The following DHRS2 variants were observed in gnomAD, a reference collection of about 807,000 sequenced individuals.
DHRS2 encodes dehydrogenase/reductase 2, also known as dehydrogenase/reductase SDR family member 2, mitochondrial.
In DHRS2, 29 loss-of-function variants were observed where a neutral mutation model predicts 26.3. The observed-to-expected ratio is 1.10, with a 90% CI of 0.82 to 1.50. The LOEUF (loss-of-function observed/expected upper bound fraction) is 1.50. DHRS2 is among the 40% of genes most tolerant of loss of function. DHRS2 has a pLI of 0.00. For synonymous variants in DHRS2, 164 were observed against 151.3 expected, an observed-to-expected ratio of 1.08 and a Z score of -0.62; for missense variants, 439 against 367.1, an observed-to-expected ratio of 1.20 and a Z score of -1.60.
intron 4 of DHRS2, chr14:23,642,862 C>A: frequency 3.4e-6 from 1 of 295,424 alleles, no homozygotes; most frequent in Non-Finnish European, 6.4e-6. Context: ...CCCACTGCCC[C>A]CAGTCCCCAT....
chr14:23,634,202 G>A (rs1205678902), upstream of DHRS2, among the ~76,000 whole-genome samples: 2 of 151,414 alleles, frequency 1.3e-5, no homozygotes, highest in Admixed American at 1.3e-4. Flanking sequence ...CAAGTAGCTG[G>A]GACTATAGGC....
At chr14:23,635,938 G>A (rs907687958), upstream of DHRS2, among the ~76,000 whole-genome samples, 6 of 152,246 alleles carry the variant, frequency 3.9e-5, no homozygotes, top group South Asian at 2.1e-4. Flanking sequence ...GCTAGGTGCC[G>A]CAAAGTCCTG....
chr14:23,643,911 T>C, intron 5 of DHRS2, 200 bp from the exon 6 acceptor site: 1 of 603,352 alleles, frequency 1.7e-6, no homozygotes, highest in Admixed American at 2.9e-5. Context: ...TTATGAGAAA[T>C]AGGCATGGAA....
At chr14:23,638,636 T>G in intron 1 of DHRS2, 191 bp from the exon 2 acceptor site, 2 of 513,020 alleles carry the variant, frequency 3.9e-6, no homozygotes. Context: ...ATTTCCCCAG[T>G]TTTATAGCTT....
chr14:23,644,659 C>G (rs1200554012), intron 7 of DHRS2, 116 bp downstream of exon 7: 1 of 1,528,188 alleles, frequency 6.5e-7, no homozygotes, highest in Non-Finnish European at 9.0e-7. Flanking sequence ...GACTGAGGTC[C>G]TCATTGTTCT....
intron 2 of DHRS2, 82 bp from the exon 3 acceptor site, chr14:23,639,097 T>A (rs1046487246): frequency 3.8e-6 from 6 of 1,592,510 alleles, no homozygotes; most frequent in Non-Finnish European, 5.1e-6. Context: ...CCCAGCCTTA[T>A]TTGCTGATTT....
chr14:23,638,557 G>C, intron 1 of DHRS2: 1 of 316,094 alleles, frequency 3.2e-6, no homozygotes, highest in Non-Finnish European at 6.0e-6. Flanking sequence ...CTCAATGTTT[G>C]CTATGCAATG....
At position 23,638,921 on chromosome 14, in the gene DHRS2, T is replaced by G; in HGVS notation, c.57T>G (p.Leu19=). The G allele has an allele frequency of 6.2e-7, 1 of 1,614,172 alleles. No individual in the cohort carries two copies. The highest frequency in any genetic ancestry group is 8.5e-7 in the Non-Finnish European group (1 of 1,180,010). The change falls in exon 2 of 9, where the codon CTT becomes CTG. Residue 19 remains leucine (L), a synonymous_variant. Transcript: ENST00000250383. The stretch of plus-strand genomic sequence containing the variant: ...GCTGGTTTCATCCCTGTGCTAGGCT[T>G]TCTGTGAGGATGAGCAGCACCGGGA... ...YQGWFHPCAR[L]SVRMSSTGID...
At chr14:23,631,879 T>C (rs903317798), upstream of DHRS2, among the ~76,000 whole-genome samples, 1 of 152,134 alleles carries the variant, frequency 6.6e-6, no homozygotes, top group Non-Finnish European at 1.5e-5. Flanking sequence ...AAGAGGGGCT[T>C]TGCATGGGAA....
chr14:23,635,793 G>A (rs1040153263), upstream of DHRS2, among the ~76,000 whole-genome samples: 1 of 152,266 alleles, frequency 6.6e-6, no homozygotes, highest in Non-Finnish European at 1.5e-5. Context: ...TCGCCAGGAG[G>A]TGTGGAGGGA....
At chr14:23,632,113 C>T (rs528693642), upstream of DHRS2, among the ~76,000 whole-genome samples, 1 of 152,230 alleles carries the variant, frequency 6.6e-6, no homozygotes, top group African/African-American at 2.4e-5. Context: ...GTTACTCTAG[C>T]CTTCCAGCAG....
upstream of DHRS2, among the ~76,000 whole-genome samples, chr14:23,634,059 CTTTTT>C (rs58045171): frequency 1.5e-4 from 12 of 82,486 alleles, 1 homozygote; most frequent in African/African-American, 2.4e-4. Context: ...TTTGCCCCTT[CTTTTT>C]TTTTTTTTTT....
At chr14:23,644,236 C>A in intron 6 of DHRS2, 74 bp downstream of exon 6, 1 of 1,582,002 alleles carries the variant, frequency 6.3e-7, no homozygotes, top group Non-Finnish European at 8.7e-7. Context: ...CAGAGCCTTA[C>A]AGACAAAGTG....
Position 23,645,428 on chromosome 14 carries a change from C to T in DHRS2, c.*175C>T. ...AAACGCTTCGGCATTCTCCTTAGGA[C>T]TTATCTGCTTGTAGATTTGGCTGAT... On this transcript the variant is annotated 3_prime_UTR_variant, in exon 9 of 9. Transcript: ENST00000250383. 6 of 1,324,850 alleles carry T rather than the reference C, an allele frequency of 4.5e-6. No individual in the cohort carries two copies. The highest frequency in any genetic ancestry group is 5.1e-6 in the Non-Finnish European group (5 of 975,872). 82.1% of individuals were successfully genotyped at this position (1,324,850 alleles called of 1,614,324 possible). A position where few individuals can be genotyped will look rare whatever the true frequency, so the allele number is the denominator to read the frequency against.
rs1890482886 is a variant in DHRS2 at position 23,638,882 on chromosome 14, C to G, written c.18C>G (p.Ala6=). The change falls in exon 2 of 9, where the codon GCC becomes GCG. Residue 6 remains alanine (A), a synonymous_variant. Coordinates refer to ENST00000250383, the MANE Select transcript of DHRS2 (RefSeq NM_005794.4). MLSAV[A]RGYQGWFHPC... ...CAACCACTATGCTGTCAGCAGTTGC[C>G]CGGGGCTACCAGGGCTGGTTTCATC... The G allele has an allele frequency of 6.2e-7, 1 of 1,614,052 alleles. No individual in the cohort carries two copies.
upstream of DHRS2, among the ~76,000 whole-genome samples, chr14:23,633,387 C>A (rs1890175899): frequency 6.6e-6 from 1 of 152,172 alleles, no homozygotes; most frequent in South Asian, 2.1e-4. Context: ...CAGGCATGAG[C>A]CCCCCATTCT....
Position 23,639,195 on chromosome 14 carries a change from GC to G in DHRS2, c.160del (p.Arg54AspfsTer32). 6.2e-7 allele frequency: 1 copy of G among 1,613,552 alleles called. No homozygotes were observed. On this transcript the variant is annotated frameshift_variant, in exon 3 of 9. Transcript: ENST00000250383. LOFTEE classifies it high-confidence loss of function. ...GSTSGIGFAI[A>X]RRLARDGAHV... ...TGCATTCAGGATCGGCTTTGCCATC[GC>G]CCGACGTCTGGCCCGGGACGGGGCC... is the stretch of plus-strand genomic sequence containing the variant.
chr14:23,644,189 A>C, intron 6 of DHRS2, 27 bp downstream of exon 6: 1 of 1,613,392 alleles, frequency 6.2e-7, no homozygotes, highest in Non-Finnish European at 8.5e-7. Flanking sequence ...TGTGCTCCTG[A>C]GTGGTATAGG....
chr14:23,638,652 T>G, intron 1 of DHRS2, 175 bp from the exon 2 acceptor site: 3 of 573,266 alleles, frequency 5.2e-6, no homozygotes, highest in East Asian at 3.1e-5. Context: ...AGCTTAGGAG[T>G]TTTCATGGAT....
Sources: allele counts gnomAD v4.1 joint callset (sites outside exome capture counted in the v4.1 genomes callset), GRCh38; gene constraint gnomAD v4.1.1; transcripts MANE v1.5; gene names NCBI Gene and HGNC (gene_info 2026-07-23, HGNC 2026-07-21).